The following ACSS3 variants were observed in gnomAD, a reference collection of about 807,000 sequenced individuals.
The protein encoded by ACSS3 is acyl-CoA synthetase short chain family member 3, also known as acyl-CoA synthetase short-chain family member 3, mitochondrial.
Under a neutral mutation model 84.2 loss-of-function variants are expected in ACSS3, and 64 were observed. The ratio of observed to expected loss-of-function variants is 0.76; its 90% CI spans 0.62 to 0.94. The LOEUF is 0.94. ACSS3 is among the 40% of genes least tolerant of loss of function. ACSS3 has a pLI of 0.00. For missense variants in ACSS3, 815 were observed against 867.6 expected (o/e 0.94, Z 0.76); for synonymous variants, 317 against 310.1 (o/e 1.02, Z -0.23).
At chr12:81,183,775 T>C (rs2031087064) in intron 8 of ACSS3, among the ~76,000 whole-genome samples, 1 of 152,090 alleles carries the variant, frequency 6.6e-6, no homozygotes, top group African/African-American at 2.4e-5. Context: ...ACACCCAGTA[T>C]TGGATGAGCT....
At chr12:81,125,326 C>T (rs1885007817) in intron 2 of ACSS3, among the ~76,000 whole-genome samples, 1 of 152,184 alleles carries the variant, frequency 6.6e-6, no homozygotes, top group African/African-American at 2.4e-5. Flanking sequence ...TTTTAAATTT[C>T]CTTACCACAC....
At chr12:81,237,840 A>G (rs2033675274) in intron 13 of ACSS3, among the ~76,000 whole-genome samples, 1 of 151,670 alleles carries the variant, frequency 6.6e-6, no homozygotes, top group East Asian at 1.9e-4. Context: ...GTCTTATTGC[A>G]CTACCTAGTT....
chr12:81,205,475 C>T (rs2032306049), intron 9 of ACSS3, among the ~76,000 whole-genome samples: 1 of 151,972 alleles, frequency 6.6e-6, no homozygotes, highest in African/African-American at 2.4e-5. Flanking sequence ...TTACAAAAAT[C>T]AAAACCACAA....
At chr12:81,155,942 G>A (rs1302975333) in intron 7 of ACSS3, among the ~76,000 whole-genome samples, 1 of 152,138 alleles carries the variant, frequency 6.6e-6, no homozygotes, top group African/African-American at 2.4e-5. Context: ...CTCGACAGCA[G>A]CAGAATACAC....
intron 2 of ACSS3, among the ~76,000 whole-genome samples, chr12:81,112,905 A>T (rs907726664): frequency 6.6e-6 from 1 of 152,170 alleles, no homozygotes; most frequent in Non-Finnish European, 1.5e-5. Flanking sequence ...TAGTAACATG[A>T]AAGATCTGAA....
At chr12:81,104,685 A>G (rs564310740) in intron 1 of ACSS3, 1 of 152,086 alleles carries the variant, frequency 6.6e-6, no homozygotes, top group African/African-American at 2.4e-5. Flanking sequence ...GGGAGCTTGA[A>G]TTATTACCCT....
rs1216245733 is a variant in ACSS3, at chr12:81,260,881, A to T, written c.*5959A>T. The T allele has an allele frequency of 2.0e-5, 3 of 152,200 alleles. No homozygotes were observed. The highest frequency in any genetic ancestry group is 4.4e-5 in the Non-Finnish European group (3 of 68,040). 9.4% of individuals were successfully genotyped at this position (152,200 alleles called of 1,614,324 possible). The stretch of plus-strand genomic sequence containing the variant: ...TCGAAAGTGGTTAAATATTTTGGTA[A>T]AGCATAGTTTTAGGTTGAAAAAAAA... On this transcript the variant is annotated 3_prime_UTR_variant, in exon 16 of 16. Coordinates refer to ENST00000548058, the MANE Select transcript of ACSS3 (RefSeq NM_024560.4).
At chr12:81,228,291 A>G (rs181118984) in intron 11 of ACSS3, among the ~76,000 whole-genome samples, 131 of 151,944 alleles carry the variant, frequency 8.6e-4, no homozygotes, top group Middle Eastern at 3.4e-3. Flanking sequence ...CATGCACCCC[A>G]TGGTGTGTTA....
At chr12:81,159,225 T>C (rs1212314654) in intron 7 of ACSS3, among the ~76,000 whole-genome samples, 1 of 152,046 alleles carries the variant, frequency 6.6e-6, no homozygotes, top group African/African-American at 2.4e-5. Context: ...GTAGTTTATT[T>C]TCTGAGAGGG....
intron 8 of ACSS3, among the ~76,000 whole-genome samples, chr12:81,178,304 G>T (rs913864389): frequency 1.4e-5 from 2 of 146,522 alleles, no homozygotes; most frequent in Admixed American, 1.4e-4. Context: ...TCACACTCTG[G>T]GGACTGTTGT....
At chr12:81,161,824 C>T (rs61936382) in intron 7 of ACSS3, among the ~76,000 whole-genome samples, 1 of 151,954 alleles carries the variant, frequency 6.6e-6, no homozygotes, top group Admixed American at 6.5e-5. Flanking sequence ...AGCGTGGGGT[C>T]CAGCCACTGC....
chr12:81,186,193 T>C (rs541332518), intron 8 of ACSS3, among the ~76,000 whole-genome samples: 9 of 151,866 alleles, frequency 5.9e-5, no homozygotes, highest in Non-Finnish European at 1.3e-4. Flanking sequence ...ACCTACATTA[T>C]ACACAAAAAT....
Position 81,175,937 on chromosome 12 carries a change from G to A in ACSS3, c.1250+998G>A, listed in dbSNP as rs527692453. On this transcript the variant is annotated intron_variant, in intron 8 of 15. Transcript: ENST00000548058. The stretch of plus-strand genomic sequence containing the variant: ...AATTAACAATGTAATGTCACACCCC[G>A]AGGAACTAGAAAAACCAGAGCGGAC... Among the ~76,000 whole-genome samples, 5 of 151,998 alleles carry A rather than the reference G, an allele frequency of 3.3e-5. No homozygotes were observed. In the East Asian group the frequency reaches 5.8e-4, roughly 18 times the overall value.
intron 13 of ACSS3, among the ~76,000 whole-genome samples, chr12:81,252,367 C>G (rs1482950611): frequency 6.6e-6 from 1 of 152,084 alleles, no homozygotes; most frequent in Non-Finnish European, 1.5e-5. Flanking sequence ...TTGATCACCC[C>G]TGAACCCAGC....
intron 1 of ACSS3, among the ~76,000 whole-genome samples, chr12:81,105,584 G>T (rs1882917945): frequency 6.6e-6 from 1 of 152,134 alleles, no homozygotes; most frequent in African/African-American, 2.4e-5. Flanking sequence ...CTTTAAAATG[G>T]AGAGTAAAAA....
At chr12:81,234,424 T>A (rs1051025917) in intron 13 of ACSS3, among the ~76,000 whole-genome samples, 20 of 151,302 alleles carry the variant, frequency 1.3e-4, no homozygotes, top group Admixed American at 1.3e-3. Flanking sequence ...TAGAGTGGGT[T>A]TTCTGGGTTG....
At chr12:81,189,916 G>A (rs1298816587) in intron 8 of ACSS3, among the ~76,000 whole-genome samples, 6 of 151,838 alleles carry the variant, frequency 4.0e-5, no homozygotes, top group African/African-American at 1.2e-4. Context: ...GATCAATTTC[G>A]ATTTATTTAA....
intron 2 of ACSS3, among the ~76,000 whole-genome samples, chr12:81,112,451 GT>G (rs1243173542): frequency 6.6e-6 from 1 of 152,146 alleles, no homozygotes; most frequent in Non-Finnish European, 1.5e-5. Context: ...ATACACATAT[GT>G]TTTGCTTAGA....
chr12:81,190,642 G>C (rs1381864838), intron 8 of ACSS3, among the ~76,000 whole-genome samples: 1 of 151,948 alleles, frequency 6.6e-6, no homozygotes, highest in African/African-American at 2.4e-5. Context: ...GTATTTAATA[G>C]AATTGGTGGT....
Sources: allele counts gnomAD v4.1 joint callset (sites outside exome capture counted in the v4.1 genomes callset), GRCh38; gene constraint gnomAD v4.1.1; transcripts MANE v1.5; gene names NCBI Gene and HGNC (gene_info 2026-07-23, HGNC 2026-07-21).